The following DYNC1H1 variants were observed in gnomAD, a reference collection of about 807,000 sequenced individuals.
The protein encoded by DYNC1H1 is dynein cytoplasmic 1 heavy chain 1, also known as cytoplasmic dynein 1 heavy chain 1.
DYNC1H1 carries 51 observed loss-of-function variants against 527.1 expected under a neutral mutation model. That is an observed-to-expected ratio of 0.10 (90% CI 0.08 to 0.12). The LOEUF (loss-of-function observed/expected upper bound fraction) is 0.12. Ranked by LOEUF, DYNC1H1 falls within the 10% of genes least tolerant of loss-of-function variation. DYNC1H1 has a pLI of 1.00. For synonymous variants in DYNC1H1, 2,189 were observed against 2,278.8 expected (o/e 0.96, Z 1.12); for missense variants, 2,771 against 5,971.8 (o/e 0.46, Z 17.66).
At position 102,011,712 on chromosome 14, in the gene DYNC1H1, A is replaced by T; in HGVS notation, c.6619-163A>T. ...GCTTGCGGTGAGCTGAGATCGTGCCACTGCATTCCAGTCTGGGTGACAGAG... is the reference window on the plus strand; with the variant it reads ...GCTTGCGGTGAGCTGAGATCGTGCCTCTGCATTCCAGTCTGGGTGACAGAG... On this transcript the variant is annotated intron_variant, in intron 32 of 77. Coordinates refer to ENST00000360184, the MANE Select transcript of DYNC1H1 (RefSeq NM_001376.5). The surrounding 1 kb of genome is among the most constrained non-coding windows in gnomAD (Gnocchi z 5.3). The T allele has an allele frequency of 1.4e-6, 1 of 705,914 alleles. No individual in the cohort carries two copies. Among genetic ancestry groups the T allele is most frequent in the African/African-American group, 1.8e-5 (1 of 56,596 alleles). 43.7% of individuals were successfully genotyped at this position (705,914 alleles called of 1,614,324 possible).
chr14:102,011,103 T>A lies in DYNC1H1; in HGVS notation c.6618+151T>A. The A allele has an allele frequency of 1.2e-6, 1 of 828,998 alleles. No homozygotes were observed. The highest frequency in any genetic ancestry group is 2.0e-6 in the Non-Finnish European group (1 of 496,964). 51.4% of individuals were successfully genotyped at this position (828,998 alleles called of 1,614,324 possible). Reference sequence around the variant, plus strand: ...TATGAAGATTTGCCCAAGGCCTATTTGAATTTTTGTTGTTGTTGTTTAAAT... The same window carrying A: ...TATGAAGATTTGCCCAAGGCCTATTAGAATTTTTGTTGTTGTTGTTTAAAT... On this transcript the variant is annotated intron_variant, in intron 32 of 77. Coordinates refer to ENST00000360184, the MANE Select transcript of DYNC1H1 (RefSeq NM_001376.5). The surrounding 1 kb of genome is among the most constrained non-coding windows in gnomAD (Gnocchi z 5.3).
chr14:101,973,694 T>C (rs941647076), intron 1 of DYNC1H1, among the ~76,000 whole-genome samples: 4 of 152,046 alleles, frequency 2.6e-5, no homozygotes, highest in Admixed American at 6.6e-5. Flanking sequence ...GTCCCAGCTC[T>C]TTGGGAGGCT....
chr14:102,002,462 CT>C lies in DYNC1H1; in HGVS notation c.4543-70del. On this transcript the variant is annotated intron_variant, in intron 21 of 77. Coordinates refer to ENST00000360184, the MANE Select transcript of DYNC1H1 (RefSeq NM_001376.5). This position sits in a 1 kb window ranked among gnomAD's most constrained non-coding sequence, Gnocchi z 4.4. ...TTACTTCATGAGATCCTGATCTGCG[CT>C]TTTTCAGTGAGTTTTGGCATATCTG... 6.3e-7 allele frequency: 1 copy of C among 1,592,606 alleles called. No homozygotes were observed. The highest frequency in any genetic ancestry group is 8.6e-7 in the Non-Finnish European group (1 of 1,162,220).
rs1243303410 is a variant in DYNC1H1 at position 101,985,455 on chromosome 14, G to A, written c.1462-232G>A. 1.3e-5 allele frequency among the ~76,000 whole-genome samples: 2 copies of A among 151,970 alleles called. No individual in the cohort carries two copies. The highest frequency in any genetic ancestry group is 2.9e-5 in the Non-Finnish European group (2 of 68,008). Reference sequence around the variant, plus strand: ...TTCTCCTGTCTCAACTTCCCAAGTAGCTGGGAATACAGGCATGCACCACCA... The same window carrying A: ...TTCTCCTGTCTCAACTTCCCAAGTAACTGGGAATACAGGCATGCACCACCA... On this transcript the variant is annotated intron_variant, in intron 7 of 77. Coordinates refer to ENST00000360184, the MANE Select transcript of DYNC1H1 (RefSeq NM_001376.5). This position sits in a 1 kb window ranked among gnomAD's most constrained non-coding sequence, Gnocchi z 5.9.
Position 102,042,480 on chromosome 14 carries a change from C to T in DYNC1H1, c.12372C>T (p.Leu4124=), listed in dbSNP as rs1595632032. Reference sequence around the variant, plus strand: ...TGCAGCCGCATGCCTGCTTCCGACTCTTCCTCACCATGGAGATCAACCCCA... The same window carrying T: ...TGCAGCCGCATGCCTGCTTCCGACTTTTCCTCACCATGGAGATCAACCCCA... ...HSLQPHACFR[L]FLTMEINPKV... Residue 4124 remains leucine, a synonymous_variant, in exon 68 of 78, where the codon CTC becomes CTT. Transcript: ENST00000360184. This position sits in a 1 kb window ranked among gnomAD's most constrained non-coding sequence, Gnocchi z 5.7. 12 of 1,614,160 alleles carry T rather than the reference C, an allele frequency of 7.4e-6. No individual in the cohort carries two copies. In the East Asian group the frequency reaches 2.5e-4, roughly 33 times the overall value.
In DYNC1H1 at chr14:101,979,483, A is replaced by G; in HGVS notation, c.509A>G (p.Lys170Arg). The change falls in exon 3 of 78, where the codon AAG becomes AGG. Residue 170 changes from lysine (K) to arginine (R), a missense_variant. This residue lies in a region of DYNC1H1 where 146 missense variants were observed against 288.1 expected (regional missense o/e 0.51). Coordinates refer to ENST00000360184, the MANE Select transcript of DYNC1H1 (RefSeq NM_001376.5). The surrounding 1 kb of genome is among the most constrained non-coding windows in gnomAD (Gnocchi z 4.6). Reference protein sequence around the residue: ...FFKSYIRESGKADRDGDKMAP... With the variant: ...FFKSYIRESGRADRDGDKMAP... ...AAGTCCTACATTAGAGAGTCTGGCA[A>G]GGCAGACAGGTAAAAACTGTGGTTT... 6.2e-7 allele frequency: 1 copy of G among 1,614,176 alleles called. No homozygotes were observed. The highest frequency in any genetic ancestry group is 8.5e-7 in the Non-Finnish European group (1 of 1,180,036).
At position 102,020,106 on chromosome 14, in the gene DYNC1H1, TC is replaced by T. The variant is rs773474559; in HGVS notation, c.8507+51del. On this transcript the variant is annotated intron_variant, in intron 42 of 77. Transcript: ENST00000360184. The surrounding 1 kb of genome is among the most constrained non-coding windows in gnomAD (Gnocchi z 4.3). ...GGTCCCATTCTCCCCTGCTCTGAGTTCTTACAGCTGTCGAAGCTGGGGTCTT... is the reference window on the plus strand; with the variant it reads ...GGTCCCATTCTCCCCTGCTCTGAGTTTTACAGCTGTCGAAGCTGGGGTCTT... 7.5e-6 allele frequency: 12 copies of T among 1,607,036 alleles called. No homozygotes were observed. In the South Asian group the frequency reaches 1.3e-4, roughly 18 times the overall value.
At position 102,002,975 on chromosome 14, in the gene DYNC1H1, T is replaced by G; in HGVS notation, c.4883+10T>G. On this transcript the variant is annotated intron_variant, in intron 23 of 77. Coordinates refer to ENST00000360184, the MANE Select transcript of DYNC1H1 (RefSeq NM_001376.5). This position sits in a 1 kb window ranked among gnomAD's most constrained non-coding sequence, Gnocchi z 4.4. ...GGTCATCTTTCCCCAGGTAAGATCC[T>G]TGCTTTGACTTGGCCTGGAGTCAAG... The G allele has an allele frequency of 6.2e-7, 1 of 1,613,924 alleles. No individual in the cohort carries two copies. The highest frequency in any genetic ancestry group is 8.5e-7 in the Non-Finnish European group (1 of 1,180,034).
intron 74 of DYNC1H1, 72 bp downstream of exon 74, chr14:102,048,741 C>T: frequency 1.9e-6 from 3 of 1,563,646 alleles, no homozygotes; most frequent in South Asian, 1.1e-5. Context: ...CCCAGCCCAG[C>T]CACACAGCAC....
chr14:102,050,328 G>C, intron 77 of DYNC1H1, 107 bp from the exon 78 acceptor site: 2 of 1,609,748 alleles, frequency 1.2e-6, no homozygotes, highest in East Asian at 2.2e-5. Flanking sequence ...AATCCATTTC[G>C]CACCTGTCCA....
chr14:102,013,386 G>T (rs898715145), intron 34 of DYNC1H1, among the ~76,000 whole-genome samples: 1 of 152,150 alleles, frequency 6.6e-6, no homozygotes, highest in African/African-American at 2.4e-5. Context: ...GGTGGGGGTT[G>T]GAGGTTAAAA....
chr14:102,040,100 C>T, intron 62 of DYNC1H1, 136 bp from the exon 63 acceptor site: 2 of 1,239,862 alleles, frequency 1.6e-6, no homozygotes, highest in Non-Finnish European at 2.3e-6. Flanking sequence ...CCACCTCGGC[C>T]TCCCAGAGTG....
chr14:102,048,264 C>T (rs1054887302), intron 73 of DYNC1H1: 12 of 713,184 alleles, frequency 1.7e-5, no homozygotes, highest in East Asian at 2.7e-5. Context: ...AGCGCCACAG[C>T]GAGCAGCCGC....
chr14:102,004,326 TC>T (rs1289950632), intron 23 of DYNC1H1, among the ~76,000 whole-genome samples, 191 bp from the exon 24 acceptor site: 1 of 152,202 alleles, frequency 6.6e-6, no homozygotes, highest in East Asian at 1.9e-4. Flanking sequence ...GAATTCCTCT[TC>T]AAGATCTTGT....
chr14:102,013,952 G>A (rs1232389596), intron 34 of DYNC1H1, among the ~76,000 whole-genome samples: 1 of 152,168 alleles, frequency 6.6e-6, no homozygotes, highest in Non-Finnish European at 1.5e-5. Flanking sequence ...GAGGTTTCTG[G>A]CCTGATCAGC....
At chr14:101,976,298 T>C (rs1360763868) in intron 2 of DYNC1H1, among the ~76,000 whole-genome samples, 1 of 150,868 alleles carries the variant, frequency 6.6e-6, no homozygotes, top group African/African-American at 2.4e-5. Flanking sequence ...ATCCCAGCAC[T>C]TTGGGAGGCT....
intron 10 of DYNC1H1, 72 bp downstream of exon 10, chr14:101,988,924 G>A (rs2047965203): frequency 6.3e-7 from 1 of 1,592,574 alleles, no homozygotes; most frequent in African/African-American, 1.4e-5. Context: ...AAACACCTAT[G>A]GAAAGGTCAC....
rs1034037272 is a variant in DYNC1H1 at position 102,015,549 on chromosome 14, C to T, written c.7242+217C>T. ...TTCTGCCAGCTTAAACAAGGAAGCC[C>T]AGCTGTAGCAGCTACAAATGTTAAA... On this transcript the variant is annotated intron_variant, in intron 35 of 77. Transcript: ENST00000360184. The surrounding 1 kb of genome is among the most constrained non-coding windows in gnomAD (Gnocchi z 6.9). Among the ~76,000 whole-genome samples, 9 of 152,292 alleles carry T rather than the reference C, an allele frequency of 5.9e-5. No homozygotes were observed. The highest frequency in any genetic ancestry group is 5.9e-4 in the Admixed American group (9 of 15,290).
At chr14:101,981,502 G>T (rs2047863668) in intron 5 of DYNC1H1, among the ~76,000 whole-genome samples, 1 of 152,186 alleles carries the variant, frequency 6.6e-6, no homozygotes, top group African/African-American at 2.4e-5. Context: ...GGTCTACAAT[G>T]TTTGAACACG....
Sources: allele counts gnomAD v4.1 joint callset (sites outside exome capture counted in the v4.1 genomes callset), GRCh38; gene constraint gnomAD v4.1.1; regional missense constraint gnomAD v4.1.1; non-coding constraint Gnocchi (gnomAD v3.1); transcripts MANE v1.5; gene names NCBI Gene and HGNC (gene_info 2026-07-23, HGNC 2026-07-21).